The following ZNF184 variants were observed in gnomAD, a reference collection of about 807,000 sequenced individuals.
ZNF184 encodes the protein zinc finger protein 184.
In ZNF184, 16 loss-of-function variants were observed where a neutral mutation model predicts 54.4. The ratio of observed to expected loss-of-function variants is 0.29; its 90% confidence interval spans 0.20 to 0.45. The LOEUF is 0.45. ZNF184 is among the 20% of genes least tolerant of loss of function. ZNF184 has a pLI of 1.00. For synonymous variants in ZNF184, 254 were observed against 295.3 expected, an observed-to-expected ratio of 0.86 and a Z score of 1.43; for missense variants, 681 against 888.2, an observed-to-expected ratio of 0.77 and a Z score of 2.97.
At chr6:27,422,148 A>AAAAGAAAGAAAGAAAGAAAGAAAGAAAG in the ZNF184 span, among the ~76,000 whole-genome samples, 70 of 43,428 alleles carry the variant, frequency 1.6e-3, no homozygotes, top group East Asian at 6.4e-3. Flanking sequence ...CTCAAAAAAA[A>AAAAGAAAGAAAGAAAGAAAGAAAGAAAG]AAAGAAAGAA....
At chr6:27,414,075 T>C in the ZNF184 span, among the ~76,000 whole-genome samples, 2 of 152,228 alleles carry the variant, frequency 1.3e-5, no homozygotes, top group Admixed American at 6.5e-5. Context: ...CTAAAATTAC[T>C]CATTGAACAA....
intron 3 of ZNF184, among the ~76,000 whole-genome samples, chr6:27,463,444 A>G (rs974260453): frequency 1.3e-5 from 2 of 152,008 alleles, no homozygotes; most frequent in African/African-American, 4.8e-5. Flanking sequence ...AAATAAAAGA[A>G]AAAAATAATT....
intron 3 of ZNF184, among the ~76,000 whole-genome samples, chr6:27,466,058 A>G (rs987600643): frequency 6.6e-6 from 1 of 152,172 alleles, no homozygotes; most frequent in Non-Finnish European, 1.5e-5. Context: ...GTGAGCCTAG[A>G]GTAATCACAA....
the ZNF184 span, among the ~76,000 whole-genome samples, chr6:27,427,693 C>G: frequency 1.4e-3 from 213 of 152,322 alleles, 1 homozygote; most frequent in African/African-American, 4.8e-3. Context: ...AGATCCATAT[C>G]AGCATTCTGT....
At chr6:27,439,877 C>A in the ZNF184 span, among the ~76,000 whole-genome samples, 401 of 151,626 alleles carry the variant, frequency 2.6e-3, 1 homozygote, top group African/African-American at 8.7e-3. Context: ...TAAGAAGGGA[C>A]AACTGTAATA....
chr6:27,431,147 C>T, the ZNF184 span, among the ~76,000 whole-genome samples: 1 of 152,240 alleles, frequency 6.6e-6, no homozygotes, highest in African/African-American at 2.4e-5. Flanking sequence ...GCCATCAGCT[C>T]CTCAGAACTG....
At chr6:27,413,449 A>C in the ZNF184 span, among the ~76,000 whole-genome samples, 90 of 152,326 alleles carry the variant, frequency 5.9e-4, no homozygotes, top group African/African-American at 2.1e-3. Flanking sequence ...ACTCATTTTT[A>C]ATTATGACAA....
Position 27,452,630 on chromosome 6 carries a change from T to C in ZNF184, c.929A>G (p.Glu310Gly), listed in dbSNP as rs1323575662. Residue 310 changes from glutamate (E) to glycine (G), a missense_variant, in exon 6 of 6, where the codon GAA becomes GGA. Transcript: ENST00000683788. This position sits in a 1 kb window ranked among gnomAD's most constrained non-coding sequence, Gnocchi z 5.5. ...HTGEKPYKCDECGKAFSQRTH... is the reference protein window; with the variant it reads ...HTGEKPYKCDGCGKAFSQRTH... The stretch of plus-strand genomic sequence containing the variant: ...CCTCTGACTAAAGGCTTTCCCACAT[T>C]CATCACATTTATATGGTTTTTCTCC... The C allele has an allele frequency of 1.2e-6, 2 of 1,614,080 alleles. No individual in the cohort carries two copies. Among genetic ancestry groups the C allele is most frequent in the South Asian group, 1.1e-5 (1 of 91,050 alleles).
the ZNF184 span, among the ~76,000 whole-genome samples, chr6:27,422,212 G>GAAAGAAAGAAAGAAAGAAAGA: frequency 1.6e-4 from 18 of 112,040 alleles, no homozygotes; most frequent in South Asian, 1.0e-3. Context: ...AAGAAAGAAA[G>GAAAGAAAGAAAGAAAGAAAGA]AAAGAAAAGA....
the ZNF184 span, chr6:27,407,661 C>A: frequency 1.6e-6 from 1 of 637,978 alleles, no homozygotes; most frequent in South Asian, 1.7e-5. Context: ...CTTGCTGAGT[C>A]ATGCAAGCCT....
In ZNF184 at chr6:27,451,853, T is replaced by C. The variant is rs1762733126; in HGVS notation, c.1706A>G (p.Tyr569Cys). The C allele has an allele frequency of 6.2e-7, 1 of 1,612,854 alleles. No individual in the cohort carries two copies. The highest frequency in any genetic ancestry group is 1.3e-5 in the African/African-American group (1 of 74,924). The change falls in exon 6 of 6, where the codon TAT becomes TGT. Residue 569 changes from tyrosine (Y) to cysteine (C), a missense_variant. Coordinates refer to ENST00000683788, the MANE Select transcript of ZNF184 (RefSeq NM_001318891.2). ...QCHECGKTFS[Y>C]GSSLIQHRKI... The stretch of plus-strand genomic sequence containing the variant: ...CCTATGCTGAATAAGGGATGAACCA[T>C]AACTGAAGGTTTTCCCACATTCATG...
At chr6:27,465,213 G>A (rs1298233276) in intron 3 of ZNF184, among the ~76,000 whole-genome samples, 3 of 148,716 alleles carry the variant, frequency 2.0e-5, no homozygotes, top group Non-Finnish European at 4.5e-5. Flanking sequence ...GGCAGGGCGC[G>A]GTGGCTCATG....
the ZNF184 span, among the ~76,000 whole-genome samples, chr6:27,432,400 G>T: frequency 0.019 from 2,912 of 152,272 alleles, 81 homozygotes; most frequent in African/African-American, 0.057. The surrounding 1 kb of genome is among the most constrained non-coding windows in gnomAD (Gnocchi z 4.0). Flanking sequence ...TGCCTGAACT[G>T]CAGAAAGAAG....
chr6:27,422,665 G>T, the ZNF184 span, among the ~76,000 whole-genome samples: 1 of 152,098 alleles, frequency 6.6e-6, no homozygotes, highest in Non-Finnish European at 1.5e-5. Context: ...AGCTGGAAAA[G>T]CTCTAGGTCA....
At chr6:27,412,535 A>G in the ZNF184 span, among the ~76,000 whole-genome samples, 1 of 152,176 alleles carries the variant, frequency 6.6e-6, no homozygotes, top group Non-Finnish European at 1.5e-5. Context: ...GGCATAAGCC[A>G]CTCCATAAGT....
the ZNF184 span, chr6:27,404,074 A>G: frequency 6.6e-6 from 1 of 152,232 alleles, no homozygotes; most frequent in African/African-American, 2.4e-5. Context: ...ATGACTCAAG[A>G]TGGCGAACAA....
chr6:27,434,343 T>C, the ZNF184 span, among the ~76,000 whole-genome samples: 1 of 152,362 alleles, frequency 6.6e-6, no homozygotes, highest in East Asian at 1.9e-4. Context: ...CTTGCTATTT[T>C]CCTTTGCTTT....
chr6:27,410,822 GC>G, the ZNF184 span, among the ~76,000 whole-genome samples: 1 of 152,150 alleles, frequency 6.6e-6, no homozygotes. Flanking sequence ...ATGAGCCACT[GC>G]CCCCAGCTAT....
At chr6:27,459,468 T>A (rs1762945673) in intron 3 of ZNF184, among the ~76,000 whole-genome samples, 1 of 151,540 alleles carries the variant, frequency 6.6e-6, no homozygotes, top group Non-Finnish European at 1.5e-5. Flanking sequence ...GAGGAAAATG[T>A]GAAACCATGA....
Sources: allele counts gnomAD v4.1 joint callset (sites outside exome capture counted in the v4.1 genomes callset), GRCh38; gene constraint gnomAD v4.1.1; non-coding constraint Gnocchi (gnomAD v3.1); transcripts MANE v1.5; gene names NCBI Gene and HGNC (gene_info 2026-07-23, HGNC 2026-07-21).